Variants in BRCA1 observed in about 807,000 individuals in gnomAD.
BRCA1 encodes the protein breast cancer type 1 susceptibility protein.
Under a neutral mutation model 173.7 loss-of-function variants are expected in BRCA1, and 140 were observed. That is an observed-to-expected ratio of 0.81 (90% CI 0.70 to 0.93). BRCA1 has a LOEUF of 0.93. BRCA1 is among the 40% of genes least tolerant of loss of function. The probability of loss-of-function intolerance (pLI) is 0.00; values close to 1 mark genes in which losing one functional copy is unlikely to be tolerated. For missense variants in BRCA1, 1,983 were observed against 2,172.5 expected (o/e 0.91, Z 1.73); for synonymous variants, 662 against 756.0 (o/e 0.88, Z 2.04).
In BRCA1 at chr17:43,092,616, C is replaced by T. The variant is rs587782721; in HGVS notation, c.2915G>A (p.Gly972Glu). The change falls in exon 10 of 23, where the codon GGA (glycine) becomes GAA (glutamate). Residue 972 changes from glycine to glutamate, a missense_variant. Gly to Glu is a moderately conservative substitution (Grantham distance 98). Coordinates refer to ENST00000357654, the MANE Select transcript of BRCA1 (RefSeq NM_007294.4). ...TATACGATATGGGTTTTGTAAAAGTCCATGTTTATTTGGAGTAATGAGTCC... is the reference window on the plus strand; with the variant it reads ...TATACGATATGGGTTTTGTAAAAGTTCATGTTTATTTGGAGTAATGAGTCC... Reference protein sequence around the residue: ...ETGLITPNKHGLLQNPYRIPP... With the variant: ...ETGLITPNKHELLQNPYRIPP... The T allele has an allele frequency of 6.2e-7, 1 of 1,613,940 alleles. No homozygotes were observed. The highest frequency in any genetic ancestry group is 2.2e-5 in the East Asian group (1 of 44,862).
chr17:43,045,922 ATTTTTTTT>A (rs375078966), intron 22 of BRCA1, 120 bp from the exon 23 acceptor site: 3 of 952,860 alleles, frequency 3.1e-6, no homozygotes, highest in African/African-American at 3.5e-5. Flanking sequence ...GTAGAAGCTA[ATTTTTTTT>A]TTTTTTTTTT....
rs886038012 is a variant in BRCA1, at chr17:43,092,089, C to T, written c.3442G>A (p.Glu1148Lys). Residue 1148 changes from glutamate to lysine, a missense_variant, in exon 10 of 23, where the codon GAG becomes AAG. Transcript: ENST00000357654. ...GSSHASQVCS[E>K]TPDDLLDDGE... Reference sequence around the variant, plus strand: ...TCATCTAACAGGTCATCAGGTGTCTCAGAACAAACCTGAGATGCATGACTA... The same window carrying T: ...TCATCTAACAGGTCATCAGGTGTCTTAGAACAAACCTGAGATGCATGACTA... 1 of 1,613,988 alleles carries T rather than the reference C, an allele frequency of 6.2e-7. No individual in the cohort carries two copies.
rs273899694 is a variant in BRCA1 at position 43,104,865 on chromosome 17, T to TA, written c.301+2dup. 4 of 1,612,354 alleles carry TA rather than the reference T, an allele frequency of 2.5e-6. No homozygotes were observed. In the African/African-American group the frequency reaches 4.0e-5, roughly 16 times the overall value. Reference sequence around the variant, plus strand: ...TGTCATTCTTGGGATATTCAACACTTACACTCCAAACCTGTGTCAAGCTGA... The same window carrying TA: ...TGTCATTCTTGGGATATTCAACACTTAACACTCCAAACCTGTGTCAAGCTGA... On this transcript the variant is annotated splice_region_variant and intron_variant, in intron 5 of 22. Coordinates refer to ENST00000357654, the MANE Select transcript of BRCA1 (RefSeq NM_007294.4).
chr17:43,144,916 G>T, intron 1 of BRCA1: 1 of 566,724 alleles, frequency 1.8e-6, no homozygotes, highest in South Asian at 1.5e-5. Context: ...GGCACACCGC[G>T]GCCAGCAGGC....
At chr17:43,137,763 G>C (rs947380009) in intron 1 of BRCA1, among the ~76,000 whole-genome samples, 1 of 152,046 alleles carries the variant, frequency 6.6e-6, no homozygotes, top group African/African-American at 2.4e-5. Context: ...TGTATTCCCA[G>C]CTATTCAGGA....
At position 43,044,378 on chromosome 17, in the gene BRCA1, G is replaced by T; in HGVS notation, c.*1300C>A. On this transcript the variant is annotated 3_prime_UTR_variant, in exon 23 of 23. Transcript: ENST00000357654. ...TATTTTGTACAATCAAGTCTTCACTGCCCTTGCACACTGGGGGGGCTAGGG... is the reference window on the plus strand; with the variant it reads ...TATTTTGTACAATCAAGTCTTCACTTCCCTTGCACACTGGGGGGGCTAGGG... 1 of 505,012 alleles carries T rather than the reference G, an allele frequency of 2.0e-6. No individual in the cohort carries two copies. Among genetic ancestry groups the T allele is most frequent in the South Asian group, 1.5e-5 (1 of 64,856 alleles). 31.3% of individuals were successfully genotyped at this position (505,012 alleles called of 1,614,324 possible).
upstream of BRCA1, chr17:43,170,271 A>T (rs1029339000): frequency 5.9e-6 from 1 of 170,362 alleles, no homozygotes; most frequent in Non-Finnish European, 1.3e-5. Context: ...ACCGCTGAGC[A>T]ATAGCCTCTC....
At chr17:43,063,477 CAG>C (rs2051884000) in intron 17 of BRCA1, 104 bp from the exon 18 acceptor site, 1 of 955,874 alleles carries the variant, frequency 1.0e-6, no homozygotes, top group Non-Finnish European at 1.7e-6. Flanking sequence ...GGAAGAATGA[CAG>C]AGGAGAGGTC....
intron 12 of BRCA1, chr17:43,079,795 A>T (rs2154114621): frequency 1.2e-6 from 1 of 859,786 alleles, no homozygotes; most frequent in East Asian, 2.4e-5. Context: ...TGTTAAAAAA[A>T]AAAAAAAAAG....
chr17:43,114,076 A>G (rs1393908101), intron 3 of BRCA1, among the ~76,000 whole-genome samples: 1 of 147,692 alleles, frequency 6.8e-6, no homozygotes, highest in African/African-American at 2.5e-5. Flanking sequence ...CACCATCTCA[A>G]AAAAAAAAAA....
upstream of BRCA1, chr17:43,125,380 AG>A: frequency 2.4e-6 from 1 of 411,450 alleles, no homozygotes; most frequent in Non-Finnish European, 5.0e-6. Flanking sequence ...CACGCCGCGC[AG>A]TCGCAGTTTT....
chr17:43,170,313 G>A (rs1458467971), upstream of BRCA1: 1 of 156,856 alleles, frequency 6.4e-6, no homozygotes, highest in Non-Finnish European at 1.4e-5. Flanking sequence ...GTCAGAGGAA[G>A]GGCGGGACAG....
chr17:43,157,542 C>T (rs2056205202), intron 1 of BRCA1, among the ~76,000 whole-genome samples: 1 of 150,480 alleles, frequency 6.6e-6, no homozygotes, highest in South Asian at 2.1e-4. Context: ...ACTAAGAATA[C>T]AAAATTAGCT....
rs533454810 is a variant in BRCA1, at chr17:43,149,866, G to T, written c.-20+20260C>A. Among the ~76,000 whole-genome samples the T allele has an allele frequency of 2.0e-5, 3 of 152,130 alleles. No homozygotes were observed. The South Asian group carries it at 6.2e-4, about 31-fold the overall frequency. ...TGCAGTGGCATGATCTCAGCTCACT[G>T]CATCCTCCGCCTCCTGGGTTCAAGC... On this transcript the variant is annotated intron_variant, in intron 1 of 7. Transcript: ENST00000634433.
rs799916 is a variant in BRCA1, at chr17:43,091,173, T to G, written c.4097-141A>C. On this transcript the variant is annotated intron_variant, in intron 10 of 22. Coordinates refer to ENST00000357654, the MANE Select transcript of BRCA1 (RefSeq NM_007294.4). ...ATTAAATTCCTTGCTTTGGGACACC[T>G]GGATTTGCTTTTATAAAATGAAACC... 356,469 of 942,952 alleles carry G rather than the reference T, an allele frequency of 0.38. 72,968 individuals are homozygous for G. The highest frequency in any genetic ancestry group is 0.69 in the African/African-American group (41,920 of 61,048). The allele number at this position is 942,952 out of a possible 1,614,324, so 58.4% of individuals were successfully genotyped here. A position where few individuals can be genotyped will look rare whatever the true frequency, so the allele number is the denominator to read the frequency against.
At chr17:43,169,300 C>T (rs1286193787) in intron 1 of BRCA1, among the ~76,000 whole-genome samples, 2 of 152,164 alleles carry the variant, frequency 1.3e-5, no homozygotes, top group Non-Finnish European at 1.5e-5. Flanking sequence ...TGCCTCAGCT[C>T]CTGAGTAGCT....
chr17:43,093,299 A>G lies in BRCA1; in HGVS notation c.2232T>C (p.Ala744=), dbSNP rs4986846. 6.9e-5 allele frequency: 111 copies of G among 1,614,094 alleles called. 1 individual carries two copies. In the African/African-American group the frequency reaches 1.2e-3, roughly 17 times the overall value. The change falls in exon 10 of 23, where the codon GCT becomes GCC. Residue 744 remains alanine (A), a synonymous_variant. Coordinates refer to ENST00000357654, the MANE Select transcript of BRCA1 (RefSeq NM_007294.4). ...KLETVKVSNN[A]EDPKDLMLSG... ...TTAACATGAGATCTTTGGGGTCTTC[A>G]GCATTATTAGACACTTTAACTGTTT...
Position 43,124,121 on chromosome 17 carries a change from A to G in BRCA1, c.-19-6T>C. ...TTTCTTTCTGTTCCAATGAACTTTA[A>G]CACATTAGAAAAACATATATATATA... On this transcript the variant is annotated splice_polypyrimidine_tract_variant and splice_region_variant and intron_variant, in intron 1 of 22. Coordinates refer to ENST00000357654, the MANE Select transcript of BRCA1 (RefSeq NM_007294.4). The G allele has an allele frequency of 6.6e-7, 1 of 1,513,522 alleles. No homozygotes were observed. The highest frequency in any genetic ancestry group is 9.2e-7 in the Non-Finnish European group (1 of 1,089,494). The allele number at this position is 1,513,522 out of a possible 1,614,324, so 93.8% of individuals were successfully genotyped here.
At chr17:43,149,532 G>C (rs754613251) in intron 1 of BRCA1, among the ~76,000 whole-genome samples, 3 of 152,072 alleles carry the variant, frequency 2.0e-5, no homozygotes, top group Non-Finnish European at 4.4e-5. Flanking sequence ...ACCGCACCCA[G>C]CCTCAGACTA....
Sources: gnomAD v4.1 joint callset for allele counts (sites outside exome capture counted in the v4.1 genomes callset) on GRCh38, gnomAD v4.1.1 for gene constraint, MANE v1.5 for transcripts, NCBI Gene and HGNC (gene_info 2026-07-23, HGNC 2026-07-21) for gene names.